FGFR1: variants seen among roughly 807,000 people sequenced by gnomAD.
The protein encoded by FGFR1 is fibroblast growth factor receptor 1.
FGFR1 carries 18 observed loss-of-function variants against 93.7 expected under a neutral mutation model. The observed-to-expected ratio is 0.19, with a 90% CI of 0.13 to 0.28. The LOEUF is 0.28. FGFR1 is among the 10% of genes least tolerant of loss of function. The pLI is 1.00. For missense variants in FGFR1, 731 were observed against 1,080.4 expected (o/e 0.68, Z 4.53); for synonymous variants, 448 against 429.3 (o/e 1.04, Z -0.54).
chr8:38,452,792 T>C (rs546574001), intron 2 of FGFR1, among the ~76,000 whole-genome samples: 12 of 152,128 alleles, frequency 7.9e-5, no homozygotes, highest in Non-Finnish European at 1.5e-4. Context: ...CTGGCCAACA[T>C]GGTGAAACCC....
intron 8 of FGFR1, 27 bp from the exon 9 acceptor site, chr8:38,419,762 C>G (rs1420293405): frequency 1.2e-6 from 2 of 1,609,216 alleles, no homozygotes; most frequent in Non-Finnish European, 1.7e-6. Context: ...AGGGTGTTAG[C>G]AGGCTTGGAG....
chr8:38,443,117 G>A (rs372304630), intron 2 of FGFR1, among the ~76,000 whole-genome samples: 4 of 152,194 alleles, frequency 2.6e-5, no homozygotes, highest in Non-Finnish European at 5.9e-5. Flanking sequence ...GGGAGTTAGC[G>A]TTGAACAGGT....
At chr8:38,431,133 G>A (rs1822955001) in intron 2 of FGFR1, among the ~76,000 whole-genome samples, 1 of 152,124 alleles carries the variant, frequency 6.6e-6, no homozygotes, top group South Asian at 2.1e-4. Flanking sequence ...GCCGCTCCCC[G>A]ATGCATAAGG....
In FGFR1 at chr8:38,413,707, G is replaced by A. The variant is rs2150507302; in HGVS notation, c.2390C>T (p.Ser797Phe). Residue 797 changes from serine (S) to phenylalanine (F), a missense_variant, in exon 18 of 18, where the codon TCT becomes TTT. Transcript: ENST00000447712. The surrounding 1 kb of genome is among the most constrained non-coding windows in gnomAD (Gnocchi z 4.2). ...TCSSGEDSVFSHEPLPEEPCL... is the reference protein window; with the variant it reads ...TCSSGEDSVFFHEPLPEEPCL... ...GGGCTCCTCGGGCAGCGGCTCATGA[G>A]AGAAGACGGAATCCTCCCCTGAGGA... 6.2e-7 allele frequency: 1 copy of A among 1,614,022 alleles called. No individual in the cohort carries two copies. Among genetic ancestry groups the A allele is most frequent in the South Asian group, 1.1e-5 (1 of 91,076 alleles).
intron 1 of FGFR1, among the ~76,000 whole-genome samples, chr8:38,462,658 G>A (rs1210830584): frequency 6.6e-6 from 1 of 151,712 alleles, no homozygotes; most frequent in Non-Finnish European, 1.5e-5. Flanking sequence ...CTGTCACTCA[G>A]GCTGGAGTTG....
chr8:38,429,096 C>G lies in FGFR1; in HGVS notation c.358+586G>C, dbSNP rs1257125750. On this transcript the variant is annotated intron_variant, in intron 3 of 17. Coordinates refer to ENST00000447712, the MANE Select transcript of FGFR1 (RefSeq NM_023110.3). This position sits in a 1 kb window ranked among gnomAD's most constrained non-coding sequence, Gnocchi z 4.4. Reference sequence around the variant, plus strand: ...TGGGGATCTGCTGCCAAGTCCACACCCTGAGGTGCATAAATGGCATAAAGA... The same window carrying G: ...TGGGGATCTGCTGCCAAGTCCACACGCTGAGGTGCATAAATGGCATAAAGA... 3 of 360,080 alleles carry G rather than the reference C, an allele frequency of 8.3e-6. No individual in the cohort carries two copies. The highest frequency in any genetic ancestry group is 6.2e-5 in the South Asian group (3 of 48,274). The allele number at this position is 360,080 out of a possible 1,614,324, so 22.3% of individuals were successfully genotyped here.
At chr8:38,417,254 G>A (rs1816997173) in intron 12 of FGFR1, 52 bp downstream of exon 12, 4 of 1,425,932 alleles carry the variant, frequency 2.8e-6, no homozygotes, top group South Asian at 1.1e-5. Context: ...TGATACCCCA[G>A]CTCAGATCTT....
At chr8:38,444,857 G>A (rs902585862) in intron 2 of FGFR1, among the ~76,000 whole-genome samples, 4 of 152,168 alleles carry the variant, frequency 2.6e-5, no homozygotes, top group Non-Finnish European at 5.9e-5. Context: ...TACTAGAAGA[G>A]AGAGAGTATA....
chr8:38,464,187 A>C (rs1835013136), intron 1 of FGFR1, among the ~76,000 whole-genome samples: 1 of 151,980 alleles, frequency 6.6e-6, no homozygotes, highest in Non-Finnish European at 1.5e-5. Flanking sequence ...ATGGTGGCGC[A>C]TGCTTGCAAT....
At chr8:38,458,414 A>C (rs1833480934) in intron 1 of FGFR1, among the ~76,000 whole-genome samples, 1 of 152,018 alleles carries the variant, frequency 6.6e-6, no homozygotes, top group Non-Finnish European at 1.5e-5. Flanking sequence ...AGTGGTACAC[A>C]CCTGTAATCC....
intron 7 of FGFR1, chr8:38,422,969 C>T: frequency 1.3e-6 from 1 of 769,248 alleles, no homozygotes; most frequent in Non-Finnish European, 2.4e-6. Flanking sequence ...CCTGCCCCAG[C>T]AGCTTGGGGC....
At chr8:38,415,204 A>G (rs1815980875) in intron 13 of FGFR1, among the ~76,000 whole-genome samples, 1 of 152,118 alleles carries the variant, frequency 6.6e-6, no homozygotes, top group Non-Finnish European at 1.5e-5. Flanking sequence ...CTGGGCTCAA[A>G]CCAGGCCAGC....
In FGFR1 at chr8:38,412,789, T is replaced by A. The variant is rs1305493594; in HGVS notation, c.*839A>T. 8 of 233,428 alleles carry A rather than the reference T, an allele frequency of 3.4e-5. No individual in the cohort carries two copies. The highest frequency in any genetic ancestry group is 5.6e-5 in the Admixed American group (1 of 17,770). 14.5% of individuals were successfully genotyped at this position (233,428 alleles called of 1,614,324 possible). A position where few individuals can be genotyped will look rare whatever the true frequency, so the allele number is the denominator to read the frequency against. On this transcript the variant is annotated 3_prime_UTR_variant, in exon 18 of 18. Coordinates refer to ENST00000447712, the MANE Select transcript of FGFR1 (RefSeq NM_023110.3). ...CTGAAAATAGGTTTAGAACATAATTTAAAAAAATAAAACAGCAAAAGTAGC... is the reference window on the plus strand; with the variant it reads ...CTGAAAATAGGTTTAGAACATAATTAAAAAAAATAAAACAGCAAAAGTAGC...
At chr8:38,450,603 G>A (rs1384273879) in intron 2 of FGFR1, among the ~76,000 whole-genome samples, 4 of 152,130 alleles carry the variant, frequency 2.6e-5, no homozygotes, top group African/African-American at 9.7e-5. Context: ...GGCTCCCAAA[G>A]AATCCCTGAT....
intron 2 of FGFR1, among the ~76,000 whole-genome samples, chr8:38,433,309 A>ACAAAGACCCTTTTTTTTTTTTATG (rs1563531468): frequency 6.6e-6 from 1 of 151,786 alleles, no homozygotes; most frequent in Non-Finnish European, 1.5e-5. Context: ...GGACGGGATG[A>ACAAAGACCCTTTTTTTTTTTTATG]CAAAGACCCT....
intron 7 of FGFR1, chr8:38,422,381 G>A (rs1158374411): frequency 1.0e-5 from 4 of 384,698 alleles, no homozygotes; most frequent in South Asian, 9.1e-5. Context: ...CAGCAGATGC[G>A]AGTATGCAAG....
Position 38,412,814 on chromosome 8 carries a change from C to T in FGFR1, c.*814G>A, listed in dbSNP as rs1274146642. On this transcript the variant is annotated 3_prime_UTR_variant, in exon 18 of 18. Coordinates refer to ENST00000447712, the MANE Select transcript of FGFR1 (RefSeq NM_023110.3). ...TAAAAAAATAAAACAGCAAAAGTAG[C>T]AAAAAATATATGACCTTTTTAAAAA... 4 of 233,308 alleles carry T rather than the reference C, an allele frequency of 1.7e-5. No individual in the cohort carries two copies. 14.5% of individuals were successfully genotyped at this position (233,308 alleles called of 1,614,324 possible).
At chr8:38,442,925 G>A (rs1828009940) in intron 2 of FGFR1, among the ~76,000 whole-genome samples, 1 of 152,198 alleles carries the variant, frequency 6.6e-6, no homozygotes, top group Admixed American at 6.5e-5. Context: ...CTGCAATGGT[G>A]GGGCTGGGTC....
chr8:38,456,498 C>T (rs960472131), intron 2 of FGFR1, among the ~76,000 whole-genome samples: 22 of 152,120 alleles, frequency 1.4e-4, no homozygotes, highest in Admixed American at 4.6e-4. Flanking sequence ...CAAAGCAAAT[C>T]GCTTGGCAGG....
Sources: allele counts gnomAD v4.1 joint callset (sites outside exome capture counted in the v4.1 genomes callset), GRCh38; gene constraint gnomAD v4.1.1; non-coding constraint Gnocchi (gnomAD v3.1); transcripts MANE v1.5; gene names NCBI Gene and HGNC (gene_info 2026-07-23, HGNC 2026-07-21).